SLC4A5: variants seen among roughly 807,000 people sequenced by gnomAD.
SLC4A5 encodes the protein solute carrier family 4 member 5, also known as electrogenic sodium bicarbonate cotransporter 4.
SLC4A5 carries 96 observed loss-of-function variants against 120.4 expected under a neutral mutation model. The observed-to-expected ratio is 0.80, with a 90% CI of 0.68 to 0.94. The LOEUF (loss-of-function observed/expected upper bound fraction) is 0.94. Among genes scored for constraint, SLC4A5 ranks in the 40% least tolerant of loss-of-function variants. The pLI, the probability that SLC4A5 is intolerant of heterozygous loss-of-function variation, is 0.00. For missense variants in SLC4A5, 1,259 were observed against 1,459.5 expected, an observed-to-expected ratio of 0.86 and a Z score of 2.24; for synonymous variants, 550 against 571.1, an observed-to-expected ratio of 0.96 and a Z score of 0.53.
At chr2:74,257,055 C>T (rs968985055) in intron 12 of SLC4A5, among the ~76,000 whole-genome samples, 3 of 152,120 alleles carry the variant, frequency 2.0e-5, no homozygotes, top group Non-Finnish European at 4.4e-5. Context: ...CCTTGTGCCT[C>T]TTCCTGTCCC....
intron 8 of SLC4A5, among the ~76,000 whole-genome samples, chr2:74,282,433 A>G (rs1671842924): frequency 6.6e-6 from 1 of 152,198 alleles, no homozygotes; most frequent in South Asian, 2.1e-4. Flanking sequence ...TGCTGGTTGG[A>G]GCCAGGTTAT....
At chr2:74,238,953 T>C (rs1670351100) in intron 21 of SLC4A5, among the ~76,000 whole-genome samples, 2 of 152,194 alleles carry the variant, frequency 1.3e-5, no homozygotes, top group Non-Finnish European at 2.9e-5. Flanking sequence ...TAACAAACTC[T>C]TGCAAATCAG....
intron 7 of SLC4A5, among the ~76,000 whole-genome samples, chr2:74,294,680 A>ATTT (rs11326076): frequency 1.6e-4 from 22 of 140,154 alleles, no homozygotes; most frequent in African/African-American, 4.2e-4. Flanking sequence ...AGTTTTTTGG[A>ATTT]TTTTTTTTTT....
chr2:74,338,234 A>C (rs956876885), intron 3 of SLC4A5, among the ~76,000 whole-genome samples: 11 of 152,268 alleles, frequency 7.2e-5, no homozygotes, highest in African/African-American at 2.4e-4. Flanking sequence ...TTGTTTGGGG[A>C]CAGGAACTGG....
chr2:74,247,024 G>A lies in SLC4A5; in HGVS notation c.2059+12C>T. On this transcript the variant is annotated intron_variant, in intron 19 of 30. Transcript: ENST00000394019. ...GGTGAGGGCCCACGGCATGTCTGGG[G>A]TTACCGGTCACCTGTGTCAGGGGCG... The A allele has an allele frequency of 2.5e-6, 4 of 1,612,634 alleles. No individual in the cohort carries two copies. Among genetic ancestry groups the A allele is most frequent in the Non-Finnish European group, 3.4e-6 (4 of 1,178,906 alleles).
chr2:74,311,767 G>C (rs916847885), intron 6 of SLC4A5, among the ~76,000 whole-genome samples: 2 of 152,122 alleles, frequency 1.3e-5, no homozygotes, highest in African/African-American at 4.8e-5. Context: ...TGAGAAGAAT[G>C]TGCATTCTGC....
chr2:74,290,473 A>T (rs1185793877), intron 7 of SLC4A5: 1 of 985,248 alleles, frequency 1.0e-6, no homozygotes, highest in Non-Finnish European at 1.2e-6. Flanking sequence ...AGGACTGGGG[A>T]GGTGGAGAGA....
chr2:74,222,847 G>T, intron 29 of SLC4A5, 21 bp downstream of exon 29: 5 of 1,577,034 alleles, frequency 3.2e-6, no homozygotes, highest in Non-Finnish European at 3.5e-6. Flanking sequence ...AGAAGGGAGA[G>T]ACATCATGTG....
chr2:74,252,901 A>G lies in SLC4A5; in HGVS notation c.1268+73T>C, dbSNP rs529136170. On this transcript the variant is annotated intron_variant, in intron 15 of 30. Coordinates refer to ENST00000394019, the Ensembl canonical transcript of SLC4A5. ...CTATGCTGAGCCTCAGATGTATTTT[A>G]AAGAGAAATAAAATGATACCGACAG... 21 of 1,550,180 alleles carry G rather than the reference A, an allele frequency of 1.4e-5. 1 individual carries two copies. The South Asian group carries it at 1.9e-4, about 14-fold the overall frequency.
Position 74,252,403 on chromosome 2 carries a change from G to T in SLC4A5, c.1269-15C>A, listed in dbSNP as rs1371600022. 6.9e-6 allele frequency: 11 copies of T among 1,605,620 alleles called. No individual in the cohort carries two copies. Among genetic ancestry groups the T allele is most frequent in the Non-Finnish European group, 9.4e-6 (11 of 1,173,562 alleles). ...ACACAGATTTCCTGGAAGAGAAGGG[G>T]GATGAAGGAGAGTGGGTCCCCCAGA... On this transcript the variant is annotated splice_polypyrimidine_tract_variant and intron_variant, in intron 15 of 30. Coordinates refer to ENST00000394019, the Ensembl canonical transcript of SLC4A5.
chr2:74,312,813 G>A (rs1397677118), intron 6 of SLC4A5, among the ~76,000 whole-genome samples: 11 of 152,028 alleles, frequency 7.2e-5, no homozygotes, highest in African/African-American at 2.7e-4. Flanking sequence ...GGCACCTATA[G>A]TCCCAGCTAC....
intron 7 of SLC4A5, chr2:74,290,736 A>C (rs1672140166): frequency 1.0e-6 from 1 of 985,814 alleles, no homozygotes; most frequent in African/African-American, 1.7e-5. Flanking sequence ...GCTGCAGCAG[A>C]ACCTCAAGCA....
intron 27 of SLC4A5, 30 bp downstream of exon 27, chr2:74,226,927 G>T: frequency 6.2e-7 from 1 of 1,602,116 alleles, no homozygotes. Context: ...AACCTGCCAG[G>T]CAGGAGGGGG....
At chr2:74,259,768 C>T (rs1157315923) in intron 11 of SLC4A5, 125 bp from the exon 12 acceptor site, 1 of 841,284 alleles carries the variant, frequency 1.2e-6, no homozygotes, top group Non-Finnish European at 2.0e-6. Context: ...CCCCTTAATC[C>T]TGCAGTCCCC....
chr2:74,240,141 A>G (rs1426397686), intron 20 of SLC4A5, among the ~76,000 whole-genome samples: 1 of 151,678 alleles, frequency 6.6e-6, no homozygotes, highest in African/African-American at 2.4e-5. Context: ...TAGCTGGCCT[A>G]GCCCACCCAC....
chr2:74,259,707 G>A, intron 11 of SLC4A5, 64 bp from the exon 12 acceptor site: 3 of 1,506,804 alleles, frequency 2.0e-6, no homozygotes, highest in Non-Finnish European at 2.8e-6. Context: ...CCTTTCCTAT[G>A]GGCCCTACTC....
intron 1 of SLC4A5, 111 bp downstream of exon 1, chr2:74,343,245 C>T (rs372010902): frequency 1.3e-5 from 2 of 152,236 alleles, no homozygotes; most frequent in Non-Finnish European, 2.9e-5. Context: ...TCATCTGACT[C>T]TTGGTGGGCT....
intron 8 of SLC4A5, among the ~76,000 whole-genome samples, chr2:74,270,450 G>A (rs1308981824): frequency 6.6e-6 from 1 of 152,186 alleles, no homozygotes; most frequent in Non-Finnish European, 1.5e-5. Flanking sequence ...GAGGCAGGCG[G>A]ATCACGAGGT....
At position 74,250,622 on chromosome 2, in the gene SLC4A5, A is replaced by G. The variant is rs866573856; in HGVS notation, c.1479-105T>C. The G allele has an allele frequency of 1.5e-5, 20 of 1,363,472 alleles. 1 individual carries two copies. In the Middle Eastern group the frequency reaches 2.9e-3, roughly 196 times the overall value. 84.5% of individuals were successfully genotyped at this position (1,363,472 alleles called of 1,614,324 possible). On this transcript the variant is annotated intron_variant, in intron 16 of 30. Coordinates refer to ENST00000394019, the Ensembl canonical transcript of SLC4A5. Reference sequence around the variant, plus strand: ...AGTCTGGGGCGAGGAAAGGAACTTGACCAGGGTGGATGGGGCAAAGATCTT... The same window carrying G: ...AGTCTGGGGCGAGGAAAGGAACTTGGCCAGGGTGGATGGGGCAAAGATCTT...
Sources: allele counts gnomAD v4.1 joint callset (sites outside exome capture counted in the v4.1 genomes callset), GRCh38; gene constraint gnomAD v4.1.1; transcripts MANE v1.5; gene names NCBI Gene and HGNC (gene_info 2026-07-23, HGNC 2026-07-21).